Variants in ANKS1B observed in about 807,000 individuals in gnomAD.
ANKS1B encodes the protein ankyrin repeat and sterile alpha motif domain-containing protein 1B.
ANKS1B carries 36 observed loss-of-function variants against 148.3 expected under a neutral mutation model. That is an observed-to-expected ratio of 0.24 (90% CI 0.19 to 0.32). The LOEUF is 0.32. ANKS1B is among the 10% of genes least tolerant of loss of function. ANKS1B has a pLI of 1.00. For synonymous variants in ANKS1B, 542 were observed against 560.8 expected (o/e 0.97, Z 0.47); for missense variants, 1,157 against 1,542.6 (o/e 0.75, Z 4.19).
At chr12:99,205,257 C>T (rs1254432871) in intron 14 of ANKS1B, among the ~76,000 whole-genome samples, 1 of 152,196 alleles carries the variant, frequency 6.6e-6, no homozygotes, top group African/African-American at 2.4e-5. Flanking sequence ...AGGAAAGTAA[C>T]ATTTAAACAA....
chr12:99,268,459 A>T (rs192283381), intron 12 of ANKS1B, among the ~76,000 whole-genome samples: 1 of 152,292 alleles, frequency 6.6e-6, no homozygotes, highest in East Asian at 1.9e-4. Flanking sequence ...AGTTCCATCA[A>T]TGTTTAAGGC....
At chr12:99,642,219 T>C (rs1350772381) in intron 9 of ANKS1B, among the ~76,000 whole-genome samples, 1 of 152,200 alleles carries the variant, frequency 6.6e-6, no homozygotes, top group Non-Finnish European at 1.5e-5. Context: ...ACACAAATGC[T>C]TGACAGGAAA....
intron 10 of ANKS1B, among the ~76,000 whole-genome samples, chr12:99,459,818 A>C (rs1476802581): frequency 3.3e-5 from 5 of 152,148 alleles, no homozygotes; most frequent in Non-Finnish European, 7.4e-5. Context: ...ATTGTGAAAA[A>C]TGACCATACT....
chr12:99,166,166 T>C (rs1452915839), intron 14 of ANKS1B, among the ~76,000 whole-genome samples: 1 of 151,520 alleles, frequency 6.6e-6, no homozygotes, highest in African/African-American at 2.4e-5. Context: ...AGTACCATAC[T>C]AGATTGTGAA....
chr12:99,002,185 T>G (rs540094598), intron 17 of ANKS1B, among the ~76,000 whole-genome samples: 36 of 152,212 alleles, frequency 2.4e-4, no homozygotes, highest in Non-Finnish European at 4.4e-4. Flanking sequence ...ATTGATTTTA[T>G]TATATAGCAG....
intron 14 of ANKS1B, among the ~76,000 whole-genome samples, chr12:99,166,224 A>G (rs2077173295): frequency 6.6e-6 from 1 of 151,740 alleles, no homozygotes; most frequent in South Asian, 2.1e-4. Flanking sequence ...AAGGATGTCC[A>G]TTCTCAACAC....
chr12:99,134,260 A>G (rs1846084789), intron 15 of ANKS1B, among the ~76,000 whole-genome samples: 1 of 152,222 alleles, frequency 6.6e-6, no homozygotes, highest in Non-Finnish European at 1.5e-5. Flanking sequence ...AGCTAAAAAA[A>G]GAATTCATGA....
intron 1 of ANKS1B, among the ~76,000 whole-genome samples, chr12:99,831,430 A>G (rs1443751416): frequency 6.6e-6 from 1 of 151,796 alleles, no homozygotes; most frequent in African/African-American, 2.4e-5. Context: ...TGTTACCTAG[A>G]AATTCTCCTT....
chr12:99,510,735 T>C (rs1156672709), intron 9 of ANKS1B, among the ~76,000 whole-genome samples: 3 of 152,020 alleles, frequency 2.0e-5, no homozygotes, highest in Non-Finnish European at 4.4e-5. Flanking sequence ...TGACTCCAAT[T>C]TTGAAAGAAG....
chr12:98,829,150 T>C lies in ANKS1B; in HGVS notation c.3066+24A>G. ...CATTACCTGATATGGTTGAAAAATA[T>C]CACAAAGGCTTATAACACCTTACCT... On this transcript the variant is annotated intron_variant, in intron 19 of 26. Transcript: ENST00000683438. This position sits in a 1 kb window ranked among gnomAD's most constrained non-coding sequence, Gnocchi z 5.2. 6.2e-7 allele frequency: 1 copy of C among 1,613,546 alleles called. No individual in the cohort carries two copies.
At chr12:99,633,012 T>A (rs867501341) in intron 9 of ANKS1B, among the ~76,000 whole-genome samples, 2 of 147,720 alleles carry the variant, frequency 1.4e-5, no homozygotes, top group South Asian at 2.2e-4. Context: ...ATGCCATGTT[T>A]GGTTTTTGTC....
intron 12 of ANKS1B, among the ~76,000 whole-genome samples, chr12:99,276,903 T>G (rs887047761): frequency 1.3e-5 from 2 of 152,218 alleles, no homozygotes; most frequent in Non-Finnish European, 2.9e-5. Context: ...TTTACTTCTC[T>G]GGATGTTACA....
At chr12:98,927,852 A>G (rs925602970) in intron 17 of ANKS1B, among the ~76,000 whole-genome samples, 8 of 151,732 alleles carry the variant, frequency 5.3e-5, no homozygotes, top group African/African-American at 1.9e-4. Context: ...CAAGTCAATA[A>G]CTAAAACACA....
intron 1 of ANKS1B, among the ~76,000 whole-genome samples, chr12:99,904,406 G>A (rs1161961266): frequency 6.6e-6 from 1 of 151,824 alleles, no homozygotes; most frequent in African/African-American, 2.4e-5. Context: ...TGGCCATGCT[G>A]GTCTCAAATG....
At position 99,383,950 on chromosome 12, in the gene ANKS1B, C is replaced by T. The variant is rs78396604; in HGVS notation, c.1756+15681G>A. Among the ~76,000 whole-genome samples, 1,360 of 151,832 alleles carry T rather than the reference C, an allele frequency of 9.0e-3. 15 individuals carry two copies. Among genetic ancestry groups the T allele is most frequent in the African/African-American group, 0.03 (1,244 of 41,366 alleles). On this transcript the variant is annotated intron_variant, in intron 12 of 26. Transcript: ENST00000683438. ...GAGGCTGAAGCTGGGGGGTTACTTG[C>T]GCCTGGAAGTGTAGGCTGCAGTGAG... is the stretch of plus-strand genomic sequence containing the variant.
intron 14 of ANKS1B, among the ~76,000 whole-genome samples, chr12:99,239,592 A>G (rs569749710): frequency 1.3e-5 from 2 of 152,346 alleles, no homozygotes; most frequent in African/African-American, 2.4e-5. Context: ...CCTCAAGAAG[A>G]GCAACCCCAA....
chr12:99,853,408 G>T (rs772289847), intron 1 of ANKS1B, among the ~76,000 whole-genome samples: 2 of 152,110 alleles, frequency 1.3e-5, no homozygotes, highest in East Asian at 1.9e-4. Context: ...CACATCACAG[G>T]ACTCTTCGTA....
intron 1 of ANKS1B, among the ~76,000 whole-genome samples, chr12:99,876,745 GA>G (rs1565909054): frequency 2.8e-5 from 3 of 105,314 alleles, no homozygotes; most frequent in Non-Finnish European, 7.0e-5. Flanking sequence ...AAAAAAAAAA[GA>G]GAGAGAGAGG....
intron 9 of ANKS1B, among the ~76,000 whole-genome samples, chr12:99,515,286 T>C (rs1343448814): frequency 6.6e-6 from 1 of 152,050 alleles, no homozygotes; most frequent in Non-Finnish European, 1.5e-5. Context: ...TAACTATGTT[T>C]TGAACCAATA....
Sources: gnomAD v4.1 joint callset for allele counts (sites outside exome capture counted in the v4.1 genomes callset) on GRCh38, gnomAD v4.1.1 for gene constraint, Gnocchi (gnomAD v3.1) non-coding constraint, MANE v1.5 for transcripts, NCBI Gene and HGNC (gene_info 2026-07-23, HGNC 2026-07-21) for gene names.